The following SUGP2 variants were observed in gnomAD, a reference collection of about 807,000 sequenced individuals.
The protein encoded by SUGP2 is SURP and G-patch domain-containing protein 2.
SUGP2 carries 24 observed loss-of-function variants against 90.5 expected under a neutral mutation model. The ratio of observed to expected loss-of-function variants is 0.27; its 90% confidence interval spans 0.19 to 0.37. The LOEUF is 0.37. SUGP2 is among the 10% of genes least tolerant of loss of function. SUGP2 has a pLI of 1.00. For missense variants in SUGP2, 1,233 were observed against 1,363.3 expected, an observed-to-expected ratio of 0.90 and a Z score of 1.51; for synonymous variants, 473 against 513.4, an observed-to-expected ratio of 0.92 and a Z score of 1.06.
At chr19:19,009,476 G>C (rs911062634) in intron 5 of SUGP2, among the ~76,000 whole-genome samples, 1 of 152,156 alleles carries the variant, frequency 6.6e-6, no homozygotes, top group Non-Finnish European at 1.5e-5. Context: ...CTGGGGATGA[G>C]GAGGCGCAAT....
At chr19:19,026,971 C>A (rs1350912153) in intron 2 of SUGP2, among the ~76,000 whole-genome samples, 2 of 152,162 alleles carry the variant, frequency 1.3e-5, no homozygotes, top group African/African-American at 2.4e-5. Flanking sequence ...CCAATTCTGT[C>A]CTTCTCCATG....
Position 19,025,567 on chromosome 19 carries a change from T to G in SUGP2, c.781A>C (p.Ile261Leu), listed in dbSNP as rs148269768. 1,450 of 1,614,090 alleles carry G rather than the reference T, an allele frequency of 9.0e-4. 9 individuals carry two copies. In the African/African-American group the frequency reaches 0.017, roughly 19 times the overall value. Residue 261 changes from isoleucine (I) to leucine (L), a missense_variant, in exon 3 of 11, where the codon ATT (isoleucine) becomes CTT (leucine). Physicochemically the swap from Ile to Leu is conservative, Grantham distance 5 (BLOSUM62 2). Coordinates refer to ENST00000452918, the MANE Select transcript of SUGP2 (RefSeq NM_001017392.5). ...STKKIPTVNRITPKTQGTNQI... is the reference protein window; with the variant it reads ...STKKIPTVNRLTPKTQGTNQI... ...TTAGTGCCCTGAGTTTTGGGAGTAA[T>G]ACGATTCACGGTGGGTATTTTTTTT...
intron 4 of SUGP2, among the ~76,000 whole-genome samples, chr19:19,017,839 T>C (rs971091546): frequency 6.6e-6 from 1 of 151,746 alleles, no homozygotes; most frequent in Non-Finnish European, 1.5e-5. Flanking sequence ...GCCTCTAACA[T>C]GAGCTTTAAC....
chr19:19,033,499 CG>C lies in SUGP2; in HGVS notation c.-75del. 7.1e-7 allele frequency: 1 copy of C among 1,408,208 alleles called. No homozygotes were observed. Among genetic ancestry groups the C allele is most frequent in the Non-Finnish European group, 9.3e-7 (1 of 1,080,246 alleles). The allele number at this position is 1,408,208 out of a possible 1,614,324, so 87.2% of individuals were successfully genotyped here. ...CCTCAGGCTCCTCACCCGCCGCCGC[CG>C]CCGCGCGAGGCGGGGACATGCAAAT... On this transcript the variant is annotated 5_prime_UTR_variant, in exon 1 of 11. Transcript: ENST00000452918.
intron 1 of SUGP2, 148 bp from the exon 2 acceptor site, chr19:19,031,230 A>T: frequency 1.3e-6 from 1 of 777,824 alleles, no homozygotes; most frequent in Non-Finnish European, 2.0e-6. Flanking sequence ...CAACATGATG[A>T]AACTAAAATA....
At chr19:19,013,923 G>A (rs559940022) in intron 4 of SUGP2, among the ~76,000 whole-genome samples, 2 of 152,306 alleles carry the variant, frequency 1.3e-5, no homozygotes, top group Admixed American at 1.3e-4. Context: ...GAAAAGGACG[G>A]AAGCCTGCCC....
intron 5 of SUGP2, 142 bp downstream of exon 5, chr19:19,009,713 T>C (rs541309772): frequency 1.3e-5 from 14 of 1,073,658 alleles, no homozygotes; most frequent in Admixed American, 5.1e-5. Context: ...AGCGCCAACA[T>C]GTACACTTGT....
chr19:19,011,892 T>G (rs1420000641), intron 4 of SUGP2, among the ~76,000 whole-genome samples: 1 of 152,222 alleles, frequency 6.6e-6, no homozygotes, highest in Non-Finnish European at 1.5e-5. Context: ...TGTGAATATT[T>G]GATTTCAGTT....
rs547653323 is a variant in SUGP2, at chr19:19,009,979, C to G, written c.2214G>C (p.Pro738=). Residue 738 remains proline (P), a synonymous_variant, in exon 5 of 11, where the codon CCG becomes CCC. Coordinates refer to ENST00000452918, the MANE Select transcript of SUGP2 (RefSeq NM_001017392.5). Reference sequence around the variant, plus strand: ...GAGGAGAAGGTCCAACTGGGTCTGGCGGGCAGTCCTTGGCAGCATCATTTC... The same window carrying G: ...GAGGAGAAGGTCCAACTGGGTCTGGGGGGCAGTCCTTGGCAGCATCATTTC... ...PDRNDAAKDC[P]PDPVGPSPQD... The G allele has an allele frequency of 1.9e-6, 3 of 1,614,076 alleles. No individual in the cohort carries two copies. The highest frequency in any genetic ancestry group is 2.5e-6 in the Non-Finnish European group (3 of 1,180,012).
upstream of SUGP2, chr19:19,033,537 C>T: frequency 1.8e-5 from 24 of 1,332,700 alleles, no homozygotes; most frequent in Non-Finnish European, 2.3e-5. Context: ...AACCAACGGT[C>T]TCCGCAGCGC....
chr19:19,005,870 CA>C (rs1230251984), intron 6 of SUGP2, among the ~76,000 whole-genome samples: 844 of 23,588 alleles, frequency 0.036, 13 homozygotes, highest in African/African-American at 0.11. Flanking sequence ...CACACACACA[CA>C]CACACACACA....
At position 19,008,413 on chromosome 19, in the gene SUGP2, A is replaced by T. The variant is rs549354023; in HGVS notation, c.2354T>A (p.Met785Lys). The change falls in exon 6 of 11, where the codon ATG (methionine) becomes AAG (lysine). Residue 785 changes from methionine (M) to lysine (K), a missense_variant. This residue lies in a region of SUGP2 where 540 missense variants were observed against 542.6 expected (regional missense o/e 1.00). Coordinates refer to ENST00000452918, the MANE Select transcript of SUGP2 (RefSeq NM_001017392.5). ...TCTAGCCAGTTTCTCTGCAGTCTCC[A>T]TTGTCTTCATGTCAACTACAAAACA... is the stretch of plus-strand genomic sequence containing the variant. ...CPSADIDMKT[M>K]ETAEKLARFV... The T allele has an allele frequency of 1.4e-5, 23 of 1,613,982 alleles. No individual in the cohort carries two copies. The highest frequency in any genetic ancestry group is 1.9e-5 in the Non-Finnish European group (23 of 1,179,910).
chr19:19,020,301 G>A (rs1451545969), intron 3 of SUGP2, among the ~76,000 whole-genome samples: 9 of 151,288 alleles, frequency 5.9e-5, no homozygotes, highest in Admixed American at 3.9e-4. Flanking sequence ...GCATGGTGGC[G>A]GGCGCCTGTA....
chr19:19,021,686 T>C (rs1394420926), intron 3 of SUGP2, among the ~76,000 whole-genome samples: 1 of 150,384 alleles, frequency 6.6e-6, no homozygotes, highest in Non-Finnish European at 1.5e-5. Context: ...TTTTTTTTTC[T>C]AGATGGACTT....
At chr19:19,002,959 T>A (rs2057904831) in intron 7 of SUGP2, among the ~76,000 whole-genome samples, 1 of 152,084 alleles carries the variant, frequency 6.6e-6, no homozygotes, top group African/African-American at 2.4e-5. Context: ...AATTATTTAC[T>A]TCATTTTTTT....
chr19:19,027,798 C>T (rs1296808572), intron 2 of SUGP2, among the ~76,000 whole-genome samples: 1 of 152,104 alleles, frequency 6.6e-6, no homozygotes, highest in Non-Finnish European at 1.5e-5. Flanking sequence ...CCACCATGCC[C>T]GGCTAACTTT....
chr19:19,031,533 C>CAAA (rs912857757), intron 1 of SUGP2, among the ~76,000 whole-genome samples: 2 of 71,896 alleles, frequency 2.8e-5, no homozygotes, highest in Non-Finnish European at 3.1e-5. Context: ...GACTCCGTCT[C>CAAA]AAAAAAAAAA....
intron 8 of SUGP2, among the ~76,000 whole-genome samples, chr19:19,001,167 C>T (rs2057817206): frequency 6.6e-6 from 1 of 152,120 alleles, no homozygotes; most frequent in Non-Finnish European, 1.5e-5. Context: ...AGGCGCCTGC[C>T]ACCATGCCCG....
chr19:19,005,879 A>AC (rs1568401051), intron 6 of SUGP2, among the ~76,000 whole-genome samples: 4 of 30,008 alleles, frequency 1.3e-4, no homozygotes, highest in South Asian at 9.7e-4. Context: ...ACACACACAC[A>AC]CACACACACA....
Sources: gnomAD v4.1 joint callset for allele counts (sites outside exome capture counted in the v4.1 genomes callset) on GRCh38, gnomAD v4.1.1 for gene constraint, gnomAD v4.1.1 regional missense constraint, MANE v1.5 for transcripts, NCBI Gene and HGNC (gene_info 2026-07-23, HGNC 2026-07-21) for gene names.